KCNQ1: variants seen among roughly 807,000 people sequenced by gnomAD.
The protein encoded by KCNQ1 is potassium voltage-gated channel subfamily KQT member 1.
A neutral mutation model predicts 72.4 loss-of-function variants in KCNQ1; 49 were observed. The ratio of observed to expected loss-of-function variants is 0.68; its 90% CI spans 0.54 to 0.86. The LOEUF is 0.86. Among genes scored for constraint, KCNQ1 ranks in the 40% least tolerant of loss-of-function variants. KCNQ1 has a pLI of 0.00. For synonymous variants in KCNQ1, 450 were observed against 412.6 expected (o/e 1.09, Z -1.10); for missense variants, 790 against 945.1 (o/e 0.84, Z 2.15).
chr11:2,453,233 C>T (rs573244246), intron 1 of KCNQ1, among the ~76,000 whole-genome samples: 3 of 152,182 alleles, frequency 2.0e-5, no homozygotes, highest in East Asian at 1.9e-4. Context: ...ATTAGCCGGG[C>T]GTGGTGGTGC....
Position 2,595,866 on chromosome 11 carries a change from C to T in KCNQ1, c.1393+7012C>T, listed in dbSNP as rs1848726371. 6.6e-6 allele frequency among the ~76,000 whole-genome samples: 1 copy of T among 152,132 alleles called. No individual in the cohort carries two copies. The highest frequency in any genetic ancestry group is 1.5e-5 in the Non-Finnish European group (1 of 68,030). The stretch of plus-strand genomic sequence containing the variant: ...GAATCTGGGCAAAGTAAATTGAAAA[C>T]ATTTTAGAAAATAATCACCATTCTA... On this transcript the variant is annotated intron_variant, in intron 10 of 15. Coordinates refer to ENST00000155840, the MANE Select transcript of KCNQ1 (RefSeq NM_000218.3). This position sits in a 1 kb window ranked among gnomAD's most constrained non-coding sequence, Gnocchi z 5.0.
At chr11:2,786,206 A>C (rs1590087215) in intron 15 of KCNQ1, among the ~76,000 whole-genome samples, 1 of 152,282 alleles carries the variant, frequency 6.6e-6, no homozygotes, top group East Asian at 1.9e-4. Flanking sequence ...ACCAATTATA[A>C]AATTATAGGC....
rs570144282 is a variant in KCNQ1 at position 2,674,434 on chromosome 11, G to A, written c.1514+12353G>A. The stretch of plus-strand genomic sequence containing the variant: ...GCGCCCGCGCGCACACGACCACAGA[G>A]GCTGGGGGGAGGCACGTGGGGAGGA... On this transcript the variant is annotated intron_variant, in intron 11 of 15. Transcript: ENST00000155840. The surrounding 1 kb of genome is among the most constrained non-coding windows in gnomAD (Gnocchi z 5.9). 12 of 398,668 alleles carry A rather than the reference G, an allele frequency of 3.0e-5. No individual in the cohort carries two copies. The East Asian group carries it at 3.9e-4, about 13-fold the overall frequency. The allele number at this position is 398,668 out of a possible 1,614,324, so 24.7% of individuals were successfully genotyped here.
intron 10 of KCNQ1, chr11:2,643,918 C>T (rs757843661): frequency 1.5e-5 from 6 of 398,412 alleles, no homozygotes; most frequent in Admixed American, 4.4e-5. Context: ...CAGCACTCTG[C>T]GTATATAATC....
chr11:2,738,653 C>T (rs1357099582), intron 11 of KCNQ1, among the ~76,000 whole-genome samples: 1 of 152,186 alleles, frequency 6.6e-6, no homozygotes, highest in African/African-American at 2.4e-5. Context: ...TGGAGAGGGG[C>T]CTGTGCGGTT....
chr11:2,687,644 T>A lies in KCNQ1; in HGVS notation c.1514+25563T>A. On this transcript the variant is annotated intron_variant, in intron 11 of 15. Transcript: ENST00000155840. This position sits in a 1 kb window ranked among gnomAD's most constrained non-coding sequence, Gnocchi z 5.0. ...CATTCCTCTCAGGCCCCTGTAAAAA[T>A]TGGGACCTGTCCTTGCCAGCCAGGT... 2 of 398,626 alleles carry A rather than the reference T, an allele frequency of 5.0e-6. No individual in the cohort carries two copies. The highest frequency in any genetic ancestry group is 3.6e-5 in the East Asian group (1 of 28,076). 24.7% of individuals were successfully genotyped at this position (398,626 alleles called of 1,614,324 possible).
Position 2,654,744 on chromosome 11 carries a change from C to A in KCNQ1, c.1394-7217C>A. The A allele has an allele frequency of 2.5e-6, 1 of 398,670 alleles. No individual in the cohort carries two copies. Among genetic ancestry groups the A allele is most frequent in the South Asian group, 1.3e-4 (1 of 7,846 alleles). The allele number at this position is 398,670 out of a possible 1,614,324, so 24.7% of individuals were successfully genotyped here. A position where few individuals can be genotyped will look rare whatever the true frequency, so the allele number is the denominator to read the frequency against. On this transcript the variant is annotated intron_variant, in intron 10 of 15. Coordinates refer to ENST00000155840, the MANE Select transcript of KCNQ1 (RefSeq NM_000218.3). This position sits in a 1 kb window ranked among gnomAD's most constrained non-coding sequence, Gnocchi z 6.4. ...TGACCTAATCTGGGCAGGGAGGGGT[C>A]TGGGGCTCGATGAGAAGGCAGAGGA...
Position 2,559,363 on chromosome 11 carries a change from A to G in KCNQ1, c.478-11265A>G, listed in dbSNP as rs1848124593. Among the ~76,000 whole-genome samples, 1 of 152,136 alleles carries G rather than the reference A, an allele frequency of 6.6e-6. No homozygotes were observed. Among genetic ancestry groups the G allele is most frequent in the Non-Finnish European group, 1.5e-5 (1 of 68,018 alleles). ...ACAGGGAGGATCAGGAAAGCCCTGG[A>G]TCTTGTTGACACCCCGGGATGTGCC... On this transcript the variant is annotated intron_variant, in intron 2 of 15. Transcript: ENST00000155840. This position sits in a 1 kb window ranked among gnomAD's most constrained non-coding sequence, Gnocchi z 4.9.
chr11:2,841,240 C>A (rs992630227), intron 15 of KCNQ1, among the ~76,000 whole-genome samples: 14 of 152,220 alleles, frequency 9.2e-5, no homozygotes, highest in Non-Finnish European at 2.1e-4. Flanking sequence ...TCAACACGGG[C>A]ATGCTCAGTG....
intron 1 of KCNQ1, among the ~76,000 whole-genome samples, chr11:2,455,407 A>G (rs992555474): frequency 6.6e-6 from 1 of 152,190 alleles, no homozygotes; most frequent in Non-Finnish European, 1.5e-5. Flanking sequence ...AATCAGCAGC[A>G]TTCTTATACA....
At chr11:2,741,213 A>G (rs757905265) in intron 11 of KCNQ1, among the ~76,000 whole-genome samples, 5 of 152,032 alleles carry the variant, frequency 3.3e-5, no homozygotes, top group Non-Finnish European at 7.4e-5. Flanking sequence ...GGAGGCCCCT[A>G]TGAGCTGGAG....
intron 1 of KCNQ1, among the ~76,000 whole-genome samples, chr11:2,452,301 A>C (rs946712276): frequency 1.3e-5 from 2 of 152,138 alleles, no homozygotes; most frequent in African/African-American, 4.8e-5. Flanking sequence ...GAGCAGCTGG[A>C]CAGGGACCCC....
chr11:2,464,086 C>T lies in KCNQ1; in HGVS notation c.386+18602C>T, dbSNP rs1310167701. On this transcript the variant is annotated intron_variant, in intron 1 of 15. Coordinates refer to ENST00000155840, the MANE Select transcript of KCNQ1 (RefSeq NM_000218.3). The surrounding 1 kb of genome is among the most constrained non-coding windows in gnomAD (Gnocchi z 5.0). ...AGGCAGGGCCGGGATGTTTGCAGGA[C>T]CCACGGGACAATTAGAACGACTGGG... Among the ~76,000 whole-genome samples the T allele has an allele frequency of 6.6e-6, 1 of 152,172 alleles. No individual in the cohort carries two copies. Among genetic ancestry groups the T allele is most frequent in the Non-Finnish European group, 1.5e-5 (1 of 68,028 alleles).
intron 10 of KCNQ1, among the ~76,000 whole-genome samples, chr11:2,597,898 T>C (rs1848753728): frequency 6.6e-6 from 1 of 152,220 alleles, no homozygotes. Context: ...TTAGTGATTT[T>C]ATGGTCTTCT....
rs368870683 is a variant in KCNQ1, at chr11:2,516,499, T to A, written c.387-11429T>A. 4.1e-4 allele frequency among the ~76,000 whole-genome samples: 62 copies of A among 152,232 alleles called. No individual in the cohort carries two copies. The South Asian group carries it at 0.012, about 30-fold the overall frequency. The stretch of plus-strand genomic sequence containing the variant: ...TCAAAATTGGCCCCCAGAAAGCCTT[T>A]GAGATGGACAGGGAGCTGGACCTTC... On this transcript the variant is annotated intron_variant, in intron 1 of 15. Transcript: ENST00000155840. This position sits in a 1 kb window ranked among gnomAD's most constrained non-coding sequence, Gnocchi z 7.0.
intron 2 of KCNQ1, among the ~76,000 whole-genome samples, chr11:2,530,990 T>C (rs1025717168): frequency 6.6e-6 from 1 of 152,138 alleles, no homozygotes; most frequent in African/African-American, 2.4e-5. Flanking sequence ...TGCCTGGTTT[T>C]AAATGGAGCC....
chr11:2,531,258 ACGTGCCCTGGGCTC>A (rs1847624225), intron 2 of KCNQ1, among the ~76,000 whole-genome samples: 5 of 150,382 alleles, frequency 3.3e-5, no homozygotes, highest in African/African-American at 9.9e-5. Context: ...CGAGAATTAG[ACGTGCCCTGGGCTC>A]CACATGCCCG....
chr11:2,649,098 T>C, intron 10 of KCNQ1: 2 of 397,558 alleles, frequency 5.0e-6, no homozygotes, highest in Admixed American at 4.4e-5. Context: ...AGTCTATGGG[T>C]GTCTTTACAG....
intron 2 of KCNQ1, among the ~76,000 whole-genome samples, chr11:2,552,232 A>G (rs1847994045): frequency 6.6e-6 from 1 of 151,932 alleles, no homozygotes; most frequent in South Asian, 2.1e-4. Flanking sequence ...ATAGTTTCAC[A>G]TTTCTTGTTT....
Sources: allele counts gnomAD v4.1 joint callset (sites outside exome capture counted in the v4.1 genomes callset), GRCh38; gene constraint gnomAD v4.1.1; non-coding constraint Gnocchi (gnomAD v3.1); transcripts MANE v1.5; gene names NCBI Gene and HGNC (gene_info 2026-07-23, HGNC 2026-07-21).